Variants in RELCH observed in about 807,000 individuals in gnomAD.
RELCH encodes the protein RAB11-binding protein RELCH.
Under a neutral mutation model 150.3 loss-of-function variants are expected in RELCH, and 41 were observed. The ratio of observed to expected loss-of-function variants is 0.27; its 90% confidence interval spans 0.21 to 0.35. The LOEUF (loss-of-function observed/expected upper bound fraction) is 0.35, where lower values mean the gene tolerates loss of function less well. RELCH is among the 10% of genes least tolerant of loss of function. The probability of loss-of-function intolerance (pLI) is 1.00; values close to 1 mark genes in which losing one functional copy is unlikely to be tolerated. For synonymous variants in RELCH, 478 were observed against 531.8 expected, an observed-to-expected ratio of 0.90 and a Z score of 1.39; for missense variants, 1,092 against 1,467.8, an observed-to-expected ratio of 0.74 and a Z score of 4.18.
At position 62,187,438 on chromosome 18, in the gene RELCH, C is replaced by T. The variant is rs2038186118; in HGVS notation, c.-68C>T. On this transcript the variant is annotated 5_prime_UTR_variant, in exon 1 of 29. Transcript: ENST00000644646. Reference sequence around the variant, plus strand: ...TGGAGGTGCGCTGTGTCCCCTGAGGCCTAGAGGATTCGGGCTGCGGCCCGT... The same window carrying T: ...TGGAGGTGCGCTGTGTCCCCTGAGGTCTAGAGGATTCGGGCTGCGGCCCGT... The T allele has an allele frequency of 6.9e-7, 1 of 1,457,170 alleles. No individual in the cohort carries two copies. The highest frequency in any genetic ancestry group is 9.1e-7 in the Non-Finnish European group (1 of 1,096,444). 90.3% of individuals were successfully genotyped at this position (1,457,170 alleles called of 1,614,324 possible). A position where few individuals can be genotyped will look rare whatever the true frequency, so the allele number is the denominator to read the frequency against.
rs1343391726 is a variant in RELCH at position 62,228,404 on chromosome 18, C to T, written c.1254C>T (p.Asp418=). The T allele has an allele frequency of 2.5e-6, 4 of 1,613,222 alleles. No individual in the cohort carries two copies. The East Asian group carries it at 8.9e-5, about 36-fold the overall frequency. ...AGTTGCCCCACAAAGACTCTGAGGA[C>T]AGTGGACAGCATCCAGATGTAAATA... The part of the protein sequence containing the change: ...LDQLPHKDSE[D]SGQHPDVNSS... Residue 418 remains aspartate, a synonymous_variant, in exon 8 of 29, where the codon GAC becomes GAT. Transcript: ENST00000644646.
At chr18:62,248,278 A>G (rs2042524093) in intron 11 of RELCH, among the ~76,000 whole-genome samples, 1 of 152,192 alleles carries the variant, frequency 6.6e-6, no homozygotes, top group African/African-American at 2.4e-5. Context: ...ACTTAGCAAC[A>G]CATTTTATTC....
chr18:62,190,907 G>T (rs73456609), intron 1 of RELCH, among the ~76,000 whole-genome samples: 15,257 of 152,186 alleles, frequency 0.1, 903 homozygotes, highest in East Asian at 0.19. Flanking sequence ...GGGCATAATT[G>T]CCCCAGTTGA....
chr18:62,232,445 A>G lies in RELCH; in HGVS notation c.1620+18A>G, dbSNP rs2041640557. The G allele has an allele frequency of 6.8e-7, 1 of 1,473,164 alleles. No homozygotes were observed. Among genetic ancestry groups the G allele is most frequent in the Non-Finnish European group, 9.5e-7 (1 of 1,053,814 alleles). 91.3% of individuals were successfully genotyped at this position (1,473,164 alleles called of 1,614,324 possible). On this transcript the variant is annotated intron_variant, in intron 10 of 28. Transcript: ENST00000644646. ...AGAGAGAGGTAAGACACATGAAAGT[A>G]TTTTCGTCCCAGTAATCCCATCATG...
At chr18:62,231,389 A>G (rs1036356494) in intron 9 of RELCH, 120 bp downstream of exon 9, 3 of 593,872 alleles carry the variant, frequency 5.1e-6, no homozygotes, top group African/African-American at 3.8e-5. Context: ...CAAATCCATT[A>G]TGTAAAATAA....
In RELCH at chr18:62,269,691, A is replaced by G. The variant is rs534607146; in HGVS notation, c.2760+743A>G. Among the ~76,000 whole-genome samples, 10 of 152,308 alleles carry G rather than the reference A, an allele frequency of 6.6e-5. No homozygotes were observed. In the South Asian group the frequency reaches 2.1e-3, roughly 32 times the overall value. On this transcript the variant is annotated intron_variant, in intron 20 of 28. Coordinates refer to ENST00000644646, the MANE Select transcript of RELCH (RefSeq NM_001346231.2). Reference sequence around the variant, plus strand: ...GCTACCAATAAGCAATCATTTTCTTATACTTTTTCACATGTAAGTACTTAA... The same window carrying G: ...GCTACCAATAAGCAATCATTTTCTTGTACTTTTTCACATGTAAGTACTTAA...
intron 1 of RELCH, among the ~76,000 whole-genome samples, chr18:62,193,472 C>G (rs2038799310): frequency 6.6e-6 from 1 of 152,114 alleles, no homozygotes; most frequent in Non-Finnish European, 1.5e-5. Context: ...CCAGCTTTTG[C>G]CCATTCAGTA....
At chr18:62,196,526 G>A (rs543590297) in intron 1 of RELCH, among the ~76,000 whole-genome samples, 1 of 152,122 alleles carries the variant, frequency 6.6e-6, no homozygotes, top group Non-Finnish European at 1.5e-5. Flanking sequence ...CACTGCGCCC[G>A]GCCCCATCAC....
chr18:62,218,071 G>T (rs1007853279), intron 2 of RELCH, among the ~76,000 whole-genome samples: 1 of 151,998 alleles, frequency 6.6e-6, no homozygotes, highest in African/African-American at 2.4e-5. Context: ...TTATTTTAGG[G>T]ACGGGTTTTT....
intron 10 of RELCH, among the ~76,000 whole-genome samples, chr18:62,244,354 G>A (rs978608747): frequency 1.3e-5 from 2 of 152,122 alleles, no homozygotes; most frequent in African/African-American, 4.8e-5. Flanking sequence ...AGTGGGAAAA[G>A]TGGTCTTTAT....
intron 22 of RELCH, chr18:62,278,010 A>C (rs2044306316): frequency 5.7e-6 from 1 of 175,052 alleles, no homozygotes; most frequent in South Asian, 1.9e-4. Flanking sequence ...CAGTTTCTTC[A>C]TCTGTTAAAA....
intron 10 of RELCH, 134 bp from the exon 11 acceptor site, chr18:62,244,629 AC>A: frequency 1.8e-6 from 1 of 568,044 alleles, no homozygotes; most frequent in Non-Finnish European, 3.1e-6. Context: ...TACCAACCTT[AC>A]AAAATTAAAA....
chr18:62,282,354 C>T lies in RELCH; in HGVS notation c.3163C>T (p.Gln1055Ter). 6.2e-7 allele frequency: 1 copy of T among 1,612,952 alleles called. No individual in the cohort carries two copies. Among genetic ancestry groups the T allele is most frequent in the Non-Finnish European group, 8.5e-7 (1 of 1,179,304 alleles). Residue 1055 changes from glutamine (Q) to a stop codon, truncating the protein, a stop_gained, in exon 25 of 29, where the codon CAG becomes TAG. Transcript: ENST00000644646. LOFTEE classifies it high-confidence loss of function. ...GTTGGCTTCTTTCCTGGAAGATCCTCAGTATCAAGACCAACATTCTTTGCA... is the reference window on the plus strand; with the variant it reads ...GTTGGCTTCTTTCCTGGAAGATCCTTAGTATCAAGACCAACATTCTTTGCA... Reference protein sequence around the residue: ...MQLASFLEDPQYQDQHSLHTE... With the variant: ...MQLASFLEDP
intron 1 of RELCH, among the ~76,000 whole-genome samples, chr18:62,202,017 G>A (rs1263518493): frequency 6.6e-6 from 1 of 152,174 alleles, no homozygotes; most frequent in Non-Finnish European, 1.5e-5. Flanking sequence ...GCACGACTGT[G>A]TATAATAGGT....
chr18:62,236,552 T>C (rs2041890534), intron 10 of RELCH, among the ~76,000 whole-genome samples: 1 of 151,918 alleles, frequency 6.6e-6, no homozygotes, highest in Non-Finnish European at 1.5e-5. Context: ...TTTGGTGATT[T>C]CTATGATTCT....
chr18:62,254,472 A>G (rs1489757663), intron 12 of RELCH, among the ~76,000 whole-genome samples: 1 of 151,030 alleles, frequency 6.6e-6, no homozygotes, highest in Non-Finnish European at 1.5e-5. Context: ...AAAGAAAAGC[A>G]AACGAAAGTT....
intron 27 of RELCH, among the ~76,000 whole-genome samples, chr18:62,293,445 A>G (rs1367770870): frequency 6.6e-6 from 1 of 152,150 alleles, no homozygotes; most frequent in Non-Finnish European, 1.5e-5. Flanking sequence ...AGGAAACCTC[A>G]CTTTTTGCTC....
intron 8 of RELCH, among the ~76,000 whole-genome samples, chr18:62,228,947 G>C (rs762506026): frequency 3.3e-5 from 5 of 151,924 alleles, no homozygotes; most frequent in Non-Finnish European, 7.4e-5. Context: ...GGAATATTTT[G>C]ATGCTGCGTA....
At chr18:62,227,190 G>C in intron 5 of RELCH, 99 bp from the exon 6 acceptor site, 1 of 789,718 alleles carries the variant, frequency 1.3e-6, no homozygotes, top group South Asian at 1.9e-5. Context: ...CAGCAAAACC[G>C]ATCTTAAAAA....
Sources: allele counts gnomAD v4.1 joint callset (sites outside exome capture counted in the v4.1 genomes callset), GRCh38; gene constraint gnomAD v4.1.1; transcripts MANE v1.5; gene names NCBI Gene and HGNC (gene_info 2026-07-23, HGNC 2026-07-21).